The following LPIN1 variants were observed in gnomAD, a reference collection of about 807,000 sequenced individuals.
The protein encoded by LPIN1 is lipin 1, also known as phosphatidate phosphatase LPIN1.
LPIN1 carries 71 observed loss-of-function variants against 107.5 expected under a neutral mutation model. That is an observed-to-expected ratio of 0.66 (90% CI 0.55 to 0.80). LPIN1 has a LOEUF of 0.80. Ranked by LOEUF, LPIN1 falls within the 30% of genes least tolerant of loss-of-function variation. The pLI is 0.00. For synonymous variants in LPIN1, 445 were observed against 452.6 expected (o/e 0.98, Z 0.21); for missense variants, 1,043 against 1,160.6 (o/e 0.90, Z 1.47).
intron 1 of LPIN1, among the ~76,000 whole-genome samples, chr2:11,713,206 A>T (rs1663518851): frequency 6.6e-6 from 1 of 152,228 alleles, no homozygotes; most frequent in African/African-American, 2.4e-5. Context: ...GGGAGTTTCC[A>T]ACCTCATAAC....
chr2:11,744,155 C>T (rs1666646520), upstream of LPIN1, among the ~76,000 whole-genome samples: 1 of 152,256 alleles, frequency 6.6e-6, no homozygotes, highest in Non-Finnish European at 1.5e-5. Context: ...CTCCTTCCTC[C>T]TCCAGTCAGC....
At chr2:11,734,026 A>G (rs1260823223) in intron 1 of LPIN1, among the ~76,000 whole-genome samples, 2 of 152,208 alleles carry the variant, frequency 1.3e-5, no homozygotes, top group Non-Finnish European at 2.9e-5. Flanking sequence ...GTCAAATCCT[A>G]TGTTCTTTCT....
chr2:11,709,483 A>G (rs1041342474), intron 1 of LPIN1, among the ~76,000 whole-genome samples: 1 of 152,246 alleles, frequency 6.6e-6, no homozygotes, highest in African/African-American at 2.4e-5. Context: ...CATTTTGGAC[A>G]GTTCCCACAC....
chr2:11,695,620 C>T lies in LPIN1; in HGVS notation c.81+17892C>T, dbSNP rs185161407. Among the ~76,000 whole-genome samples the T allele has an allele frequency of 3.7e-4, 56 of 152,316 alleles. 2 individuals are homozygous for T. Among genetic ancestry groups the T allele is most frequent in the African/African-American group, 4.8e-4 (20 of 41,580 alleles). On this transcript the variant is annotated intron_variant, in intron 1 of 21. Transcript: ENST00000449576. Reference sequence around the variant, plus strand: ...TAAAGCAGAGGGGATCTCCCTATTACGCCAGCTTAGGGTAGCTGGGCCCCT... The same window carrying T: ...TAAAGCAGAGGGGATCTCCCTATTATGCCAGCTTAGGGTAGCTGGGCCCCT...
intron 17 of LPIN1, among the ~76,000 whole-genome samples, chr2:11,812,593 C>T (rs780279749): frequency 1.3e-5 from 2 of 151,828 alleles, no homozygotes; most frequent in African/African-American, 4.8e-5. Context: ...ATGAGCGTGG[C>T]GAGTTGGAGG....
At chr2:11,819,393 C>T (rs1401322189) in intron 18 of LPIN1, 91 bp from the exon 19 acceptor site, 4 of 859,452 alleles carry the variant, frequency 4.7e-6, no homozygotes, top group Non-Finnish European at 8.0e-6. Context: ...TGAGTTTTCT[C>T]AGTGTTGCGG....
intron 18 of LPIN1, chr2:11,817,848 A>T (rs1439305308): frequency 6.7e-6 from 1 of 150,046 alleles, no homozygotes; most frequent in Non-Finnish European, 1.5e-5. Context: ...CAGGAGAATT[A>T]CATGAACCCA....
intron 5 of LPIN1, among the ~76,000 whole-genome samples, chr2:11,775,262 G>T (rs1672480140): frequency 6.6e-6 from 1 of 152,214 alleles, no homozygotes; most frequent in Admixed American, 6.5e-5. Flanking sequence ...CTCTAGGTCT[G>T]TGGAGATAAA....
rs1168584117 is a variant in LPIN1, at chr2:11,771,345, T to G, written c.289-27T>G. The G allele has an allele frequency of 1.2e-6, 2 of 1,612,762 alleles. No homozygotes were observed. Among genetic ancestry groups the G allele is most frequent in the East Asian group, 2.2e-5 (1 of 44,882 alleles). ...TCTTATACCTGAATTAACGAGGCTC[T>G]TTTTAGAAAATGTGTTCTTTTCTTA... On this transcript the variant is annotated intron_variant, in intron 3 of 20. Transcript: ENST00000674199. The surrounding 1 kb of genome is among the most constrained non-coding windows in gnomAD (Gnocchi z 4.8).
chr2:11,799,130 C>T (rs1467422650), intron 14 of LPIN1, among the ~76,000 whole-genome samples: 7 of 152,186 alleles, frequency 4.6e-5, no homozygotes, highest in East Asian at 1.9e-4. Context: ...CGCAAATGAC[C>T]GTGTACTTGC....
At chr2:11,681,273 G>GT (rs1453186441) in intron 1 of LPIN1, among the ~76,000 whole-genome samples, 2 of 152,206 alleles carry the variant, frequency 1.3e-5, no homozygotes, top group Non-Finnish European at 2.9e-5. Context: ...GTTTGGATGT[G>GT]TGTCCCCCAC....
Position 11,820,001 on chromosome 2 carries a change from T to G in LPIN1, c.2517+403T>G, listed in dbSNP as rs61396799. On this transcript the variant is annotated intron_variant, in intron 19 of 20. Transcript: ENST00000674199. Reference sequence around the variant, plus strand: ...TTGTCTCGTATCATGAAAGAAGCGCTTTGAGATTTTGCATGTATTGCCCGC... The same window carrying G: ...TTGTCTCGTATCATGAAAGAAGCGCGTTGAGATTTTGCATGTATTGCCCGC... Among the ~76,000 whole-genome samples, 360 of 152,324 alleles carry G rather than the reference T, an allele frequency of 2.4e-3. 1 individual carries two copies. Among genetic ancestry groups the G allele is most frequent in the African/African-American group, 8.2e-3 (339 of 41,582 alleles).
rs761414099 is a variant in LPIN1, at chr2:11,820,391, A to G, written c.2518-20A>G. 2.7e-6 allele frequency: 4 copies of G among 1,489,054 alleles called. No individual in the cohort carries two copies. The East Asian group carries it at 9.0e-5, about 34-fold the overall frequency. 92.2% of individuals were successfully genotyped at this position (1,489,054 alleles called of 1,614,324 possible). On this transcript the variant is annotated intron_variant, in intron 19 of 20. Transcript: ENST00000674199. Reference sequence around the variant, plus strand: ...AACTCTTTTCTAATGAACACTTTAAATCACCTTTACCAAATATAGGATGTG... The same window carrying G: ...AACTCTTTTCTAATGAACACTTTAAGTCACCTTTACCAAATATAGGATGTG...
upstream of LPIN1, chr2:11,745,908 G>A (rs1326165269): frequency 6.6e-6 from 1 of 152,266 alleles, no homozygotes; most frequent in African/African-American, 2.4e-5. Flanking sequence ...GTCATTTAGA[G>A]TTTCAGTTCA....
intron 10 of LPIN1, among the ~76,000 whole-genome samples, chr2:11,785,364 A>G (rs886335775): frequency 2.6e-5 from 4 of 152,166 alleles, no homozygotes; most frequent in Non-Finnish European, 4.4e-5. Flanking sequence ...AGGGGGTGTC[A>G]GTCTAATTAA....
At position 11,826,259 on chromosome 2, in the gene LPIN1, CCA is replaced by C. The variant is rs942976394; in HGVS notation, c.*1471_*1472del. The C allele has an allele frequency of 2.6e-5, 4 of 152,518 alleles. No homozygotes were observed. The highest frequency in any genetic ancestry group is 9.7e-5 in the African/African-American group (4 of 41,412). 9.4% of individuals were successfully genotyped at this position (152,518 alleles called of 1,614,324 possible). On this transcript the variant is annotated 3_prime_UTR_variant, in exon 21 of 21. Coordinates refer to ENST00000674199, the MANE Select transcript of LPIN1 (RefSeq NM_001349206.2). ...TTTTACTCTTTCTGTGAAAGAAAAT[CCA>C]CAGAGTTGTTGCCTCCGTTGTAGTT...
chr2:11,698,890 A>G, intron 1 of LPIN1, among the ~76,000 whole-genome samples: 1 of 152,200 alleles, frequency 6.6e-6, no homozygotes, highest in East Asian at 1.9e-4. Flanking sequence ...TGCCTGTAGA[A>G]CTTGTGCCTC....
chr2:11,815,016 G>A (rs1241056287), intron 17 of LPIN1, 72 bp from the exon 18 acceptor site: 2 of 1,401,226 alleles, frequency 1.4e-6, no homozygotes, highest in Admixed American at 3.4e-5. Flanking sequence ...AACAGATATG[G>A]ATCAGGATTT....
At chr2:11,694,190 A>C (rs1044179268) in intron 1 of LPIN1, among the ~76,000 whole-genome samples, 2 of 152,108 alleles carry the variant, frequency 1.3e-5, no homozygotes, top group African/African-American at 4.8e-5. Context: ...TGCATGAATT[A>C]GTCATTTTGG....
Sources: allele counts gnomAD v4.1 joint callset (sites outside exome capture counted in the v4.1 genomes callset), GRCh38; gene constraint gnomAD v4.1.1; non-coding constraint Gnocchi (gnomAD v3.1); transcripts MANE v1.5; gene names NCBI Gene and HGNC (gene_info 2026-07-23, HGNC 2026-07-21).